Variants in ARID1B observed in about 807,000 individuals in gnomAD.
ARID1B encodes AT-rich interaction domain 1B.
Under a neutral mutation model 212.3 loss-of-function variants are expected in ARID1B, and 30 were observed. That is an observed-to-expected ratio of 0.14 (90% CI 0.11 to 0.19). ARID1B has a LOEUF of 0.19. Among genes scored for constraint, ARID1B ranks in the 10% least tolerant of loss-of-function variants. The pLI is 1.00. For missense variants in ARID1B, 2,891 were observed against 3,204.0 expected (o/e 0.90, Z 2.36); for synonymous variants, 1,402 against 1,301.7 (o/e 1.08, Z -1.66).
intron 4 of ARID1B, among the ~76,000 whole-genome samples, chr6:157,040,902 C>T (rs749412735): frequency 5.3e-5 from 8 of 152,098 alleles, no homozygotes; most frequent in South Asian, 2.1e-4. Flanking sequence ...GCTGTTTTCC[C>T]GTGGTTTTAG....
rs181338230 is a variant in ARID1B, at chr6:157,165,466, T to C, written c.3090-1574T>C. Among the ~76,000 whole-genome samples, 19 of 152,318 alleles carry C rather than the reference T, an allele frequency of 1.2e-4. No homozygotes were observed. The East Asian group carries it at 2.3e-3, about 19-fold the overall frequency. On this transcript the variant is annotated intron_variant, in intron 8 of 19. Transcript: ENST00000636930. The stretch of plus-strand genomic sequence containing the variant: ...CCAGTTATGGCTTTGATAGCTTGAT[T>C]TTGCAGATGGTCCACGTTTGAACTT...
chr6:156,908,767 T>G (rs910982585), intron 3 of ARID1B, among the ~76,000 whole-genome samples: 2 of 152,124 alleles, frequency 1.3e-5, no homozygotes, highest in African/African-American at 4.8e-5. Flanking sequence ...TTTGAAGACA[T>G]TTTTATTGAG....
At chr6:156,815,425 G>A (rs924221628) in intron 1 of ARID1B, among the ~76,000 whole-genome samples, 4 of 152,084 alleles carry the variant, frequency 2.6e-5, no homozygotes, top group African/African-American at 9.7e-5. Context: ...ACTTTTTTAG[G>A]CTGAAAAGGA....
chr6:157,198,611 AT>A, intron 16 of ARID1B, 199 bp from the exon 17 acceptor site: 1 of 536,946 alleles, frequency 1.9e-6, no homozygotes, highest in Non-Finnish European at 3.3e-6. Flanking sequence ...GCTTGGCACC[AT>A]TCCCAAAATG....
intron 4 of ARID1B, among the ~76,000 whole-genome samples, chr6:156,995,566 A>G (rs1432372388): frequency 6.6e-6 from 1 of 152,228 alleles, no homozygotes; most frequent in Non-Finnish European, 1.5e-5. Context: ...GAACTGAACA[A>G]TTTGGGACTA....
intron 3 of ARID1B, among the ~76,000 whole-genome samples, chr6:156,914,823 A>G (rs1311811182): frequency 1.3e-5 from 2 of 152,070 alleles, no homozygotes; most frequent in Non-Finnish European, 2.9e-5. Flanking sequence ...CCCCATCCCA[A>G]CAATATGTAT....
At chr6:156,891,920 G>A (rs1413301500) in intron 2 of ARID1B, among the ~76,000 whole-genome samples, 3 of 147,908 alleles carry the variant, frequency 2.0e-5, no homozygotes, top group African/African-American at 7.6e-5. Flanking sequence ...CCCCCGGGCT[G>A]GAGTACAATG....
At chr6:157,137,935 T>C (rs745750752) in intron 7 of ARID1B, among the ~76,000 whole-genome samples, 2 of 152,178 alleles carry the variant, frequency 1.3e-5, no homozygotes, top group Non-Finnish European at 2.9e-5. Context: ...TTAGATGCCA[T>C]CTAGAAATTT....
In ARID1B at chr6:156,934,942, ATATATATATATATATATAT is replaced by A. The variant is rs1562494811; in HGVS notation, c.2137-523_2137-505del. ...TATATATATATATATATATATATATATATATATATATATATATATAGTTTATATTTCTGCTGTTATTCAC... is the reference window on the plus strand; with the variant it reads ...TATATATATATATATATATATATATAAGTTTATATTTCTGCTGTTATTCAC... On this transcript the variant is annotated intron_variant, in intron 3 of 19. Transcript: ENST00000636930. 2.4e-3 allele frequency among the ~76,000 whole-genome samples: 205 copies of A among 87,040 alleles called. 3 individuals are homozygous for A. The highest frequency in any genetic ancestry group is 7.8e-3 in the African/African-American group (194 of 24,864). The allele number at this position is 87,040 out of a possible 152,430, so 57.1% of individuals were successfully genotyped here. A position where few individuals can be genotyped will look rare whatever the true frequency, so the allele number is the denominator to read the frequency against.
chr6:157,096,650 G>A (rs193018397), intron 5 of ARID1B, among the ~76,000 whole-genome samples: 82 of 152,326 alleles, frequency 5.4e-4, no homozygotes, highest in East Asian at 2.1e-3. Context: ...GAGCTTAGCC[G>A]TGCCCAGGCT....
intron 5 of ARID1B, among the ~76,000 whole-genome samples, chr6:157,087,762 G>A (rs1262208064): frequency 1.3e-5 from 2 of 150,792 alleles, no homozygotes; most frequent in Non-Finnish European, 2.9e-5. Flanking sequence ...AGCCATGAAA[G>A]CATAATATAT....
At chr6:157,161,662 T>C (rs1583429193) in intron 8 of ARID1B, among the ~76,000 whole-genome samples, 1 of 152,182 alleles carries the variant, frequency 6.6e-6, no homozygotes, top group African/African-American at 2.4e-5. Context: ...GTAATGTTAA[T>C]GTATGCAATT....
intron 4 of ARID1B, among the ~76,000 whole-genome samples, chr6:157,019,682 G>A (rs1164230843): frequency 4.6e-5 from 7 of 152,114 alleles, no homozygotes; most frequent in African/African-American, 1.7e-4. Flanking sequence ...ATCGTCCTTT[G>A]TGATGCCTTT....
intron 4 of ARID1B, among the ~76,000 whole-genome samples, chr6:157,026,153 GACCTCAGGCGATCC>G (rs1394609465): frequency 1.3e-5 from 2 of 152,130 alleles, no homozygotes; most frequent in African/African-American, 4.8e-5. Flanking sequence ...TCAAACTCCC[GACCTCAGGCGATCC>G]ACCTCAAAGT....
intron 2 of ARID1B, among the ~76,000 whole-genome samples, chr6:156,834,032 G>T (rs558631671): frequency 2.6e-5 from 4 of 152,234 alleles, no homozygotes; most frequent in Admixed American, 2.0e-4. Flanking sequence ...TTCCACCTGT[G>T]TTAATTTATA....
chr6:157,029,840 G>T (rs912580222), intron 4 of ARID1B, among the ~76,000 whole-genome samples: 6 of 152,284 alleles, frequency 3.9e-5, no homozygotes, highest in African/African-American at 1.2e-4. Context: ...TAAGCAGCTC[G>T]GCTTAATTTT....
intron 2 of ARID1B, among the ~76,000 whole-genome samples, chr6:156,848,667 C>A (rs1784385288): frequency 1.3e-5 from 2 of 152,142 alleles, no homozygotes; most frequent in Admixed American, 6.6e-5. Context: ...TCCTCAGGCC[C>A]CTTTAAGTTA....
At chr6:157,102,604 C>CTTTTTTT in intron 5 of ARID1B, among the ~76,000 whole-genome samples, 1 of 66,250 alleles carries the variant, frequency 1.5e-5, no homozygotes, top group Non-Finnish European at 2.8e-5. Flanking sequence ...CTGAGTGGTT[C>CTTTTTTT]TTTTTTTTTT....
chr6:157,084,950 G>C (rs2128463791), intron 5 of ARID1B, 45 bp downstream of exon 5: 1 of 1,554,678 alleles, frequency 6.4e-7, no homozygotes, highest in Non-Finnish European at 8.7e-7. Flanking sequence ...GTGATAAAGA[G>C]AGATTTCATG....
Sources: allele counts gnomAD v4.1 joint callset (sites outside exome capture counted in the v4.1 genomes callset), GRCh38; gene constraint gnomAD v4.1.1; transcripts MANE v1.5; gene names NCBI Gene and HGNC (gene_info 2026-07-23, HGNC 2026-07-21).